Variants in DENND2B observed in about 807,000 individuals in gnomAD.
The protein encoded by DENND2B is DENN domain containing 2B, also known as DENN domain-containing protein 2B.
In DENND2B, 32 loss-of-function variants were observed where a neutral mutation model predicts 116.0. The ratio of observed to expected loss-of-function variants is 0.28; its 90% CI spans 0.21 to 0.37. The LOEUF is 0.37. Ranked by LOEUF, DENND2B falls within the 10% of genes least tolerant of loss-of-function variation. The probability of loss-of-function intolerance (pLI) is 1.00; values close to 1 mark genes in which losing one functional copy is unlikely to be tolerated. For synonymous variants in DENND2B, 588 were observed against 583.9 expected (o/e 1.01, Z -0.10); for missense variants, 1,276 against 1,477.7 (o/e 0.86, Z 2.24).
intron 4 of DENND2B, among the ~76,000 whole-genome samples, chr11:8,830,497 A>T (rs2062162369): frequency 6.6e-6 from 1 of 152,240 alleles, no homozygotes; most frequent in Non-Finnish European, 1.5e-5. Flanking sequence ...TCAGAAAATA[A>T]GCTTTATTTA....
At chr11:8,781,427 T>C (rs952467952) in intron 1 of DENND2B, among the ~76,000 whole-genome samples, 3 of 152,070 alleles carry the variant, frequency 2.0e-5, no homozygotes, top group Admixed American at 6.6e-5. Flanking sequence ...CTTTTGGCTA[T>C]AACAAAGAGG....
upstream of DENND2B, among the ~76,000 whole-genome samples, chr11:8,812,034 G>A (rs2061400562): frequency 6.6e-6 from 1 of 152,260 alleles, no homozygotes; most frequent in Non-Finnish European, 1.5e-5. Context: ...CCAGCATACT[G>A]GCCTTATGAC....
chr11:8,767,791 G>A (rs1008001873), intron 1 of DENND2B, among the ~76,000 whole-genome samples: 3 of 152,106 alleles, frequency 2.0e-5, no homozygotes, highest in Non-Finnish European at 2.9e-5. Flanking sequence ...ACCTAAGGTC[G>A]CTTTCAATAC....
intron 4 of DENND2B, among the ~76,000 whole-genome samples, chr11:8,823,790 G>T (rs1192528329): frequency 2.0e-5 from 3 of 152,038 alleles, no homozygotes; most frequent in Non-Finnish European, 4.4e-5. Flanking sequence ...GCATGAGAAT[G>T]GACTAATACA....
At chr11:8,885,807 A>C (rs2063954030) in intron 1 of DENND2B, among the ~76,000 whole-genome samples, 1 of 152,236 alleles carries the variant, frequency 6.6e-6, no homozygotes, top group Admixed American at 6.5e-5. Context: ...TTCATAGTAA[A>C]GAAGGATTTT....
At chr11:8,766,517 G>T in intron 1 of DENND2B, 1 of 925,216 alleles carries the variant, frequency 1.1e-6, no homozygotes, top group Non-Finnish European at 1.5e-6. Context: ...ATGTCCACAA[G>T]CCAAATCATT....
chr11:8,910,334 A>G (rs1566098764), intron 1 of DENND2B, among the ~76,000 whole-genome samples: 1 of 151,410 alleles, frequency 6.6e-6, no homozygotes, highest in African/African-American at 2.4e-5. Flanking sequence ...AAACAAGAGT[A>G]GCGACACCCC....
intron 14 of DENND2B, chr11:8,700,025 G>A (rs1290251032): frequency 4.4e-6 from 2 of 455,954 alleles, no homozygotes; most frequent in Admixed American, 2.4e-5. Flanking sequence ...GCAACCACAG[G>A]AAACAATAGC....
Position 8,694,737 on chromosome 11 carries a change from C to T in DENND2B, c.3380-607G>A, listed in dbSNP as rs188794056. 3.9e-3 allele frequency: 1,563 copies of T among 405,610 alleles called. 9 individuals carry two copies. The highest frequency in any genetic ancestry group is 5.7e-3 in the Non-Finnish European group (1,196 of 208,160). The allele number at this position is 405,610 out of a possible 1,614,324, so 25.1% of individuals were successfully genotyped here. On this transcript the variant is annotated intron_variant, in intron 19 of 19. Coordinates refer to ENST00000313726, the MANE Select transcript of DENND2B (RefSeq NM_213618.2). ...GAACATATATAGACTTTTTTTTTCTCGTCATTATTCCCTAAACAATACAGT... is the reference window on the plus strand; with the variant it reads ...GAACATATATAGACTTTTTTTTTCTTGTCATTATTCCCTAAACAATACAGT...
At chr11:8,883,893 C>A (rs1336294591) in intron 1 of DENND2B, among the ~76,000 whole-genome samples, 1 of 152,148 alleles carries the variant, frequency 6.6e-6, no homozygotes, top group East Asian at 1.9e-4. Flanking sequence ...CTGACTTAAG[C>A]GATGTTTTGA....
intron 1 of DENND2B, among the ~76,000 whole-genome samples, chr11:8,759,548 C>T (rs929102855): frequency 7.2e-5 from 11 of 152,158 alleles, no homozygotes; most frequent in African/African-American, 1.4e-4. Context: ...ATTCTGCTCA[C>T]GTGGAAGTCA....
At chr11:8,718,342 T>C (rs2045452692) in intron 4 of DENND2B, 1 of 1,532,034 alleles carries the variant, frequency 6.5e-7, no homozygotes, top group Admixed American at 2.0e-5. Flanking sequence ...TCTCAGGGGA[T>C]CTCCCTGGGG....
intron 1 of DENND2B, among the ~76,000 whole-genome samples, chr11:8,755,127 A>C (rs2053384019): frequency 6.6e-6 from 1 of 152,186 alleles, no homozygotes; most frequent in Non-Finnish European, 1.5e-5. Context: ...GCATATTTCC[A>C]ATGTCAAGGT....
chr11:8,807,415 C>G (rs1006570781), intron 1 of DENND2B, among the ~76,000 whole-genome samples: 9 of 152,144 alleles, frequency 5.9e-5, no homozygotes, highest in African/African-American at 1.9e-4. Flanking sequence ...TAGGTCTAGG[C>G]TACCAGTGGG....
Position 8,891,128 on chromosome 11 carries a change from A to G in DENND2B, c.-255-10019T>C, listed in dbSNP as rs537816494. On this transcript the variant is annotated intron_variant, in intron 1 of 22. Transcript: ENST00000534127. ...AAGAATTTTCAACCCAGAATTTCAT[A>G]TCCAGCCAACTAAGCTTCATAAGTG... 3.9e-5 allele frequency among the ~76,000 whole-genome samples: 6 copies of G among 152,348 alleles called. No individual in the cohort carries two copies. In the South Asian group the frequency reaches 1.2e-3, roughly 32 times the overall value.
chr11:8,780,368 T>C (rs143461709), intron 1 of DENND2B, among the ~76,000 whole-genome samples: 3 of 152,246 alleles, frequency 2.0e-5, no homozygotes, highest in African/African-American at 2.4e-5. Flanking sequence ...AGAGATACAA[T>C]GTTGAAGCTT....
At chr11:8,758,616 G>A (rs1230371966) in intron 1 of DENND2B, among the ~76,000 whole-genome samples, 1 of 152,154 alleles carries the variant, frequency 6.6e-6, no homozygotes, top group Non-Finnish European at 1.5e-5. Context: ...AAGAAAGCAG[G>A]TGAATAGAAA....
At chr11:8,774,181 C>T (rs1399638688) in intron 1 of DENND2B, 2 of 985,356 alleles carry the variant, frequency 2.0e-6, no homozygotes, top group African/African-American at 1.7e-5. Context: ...TCAGCCTTCA[C>T]GTTGGGTTCT....
chr11:8,895,470 A>G (rs1016162721), intron 1 of DENND2B: 6 of 152,230 alleles, frequency 3.9e-5, no homozygotes, highest in Non-Finnish European at 7.3e-5. Context: ...ACATTATACT[A>G]AATGAAATAA....
Sources: allele counts gnomAD v4.1 joint callset (sites outside exome capture counted in the v4.1 genomes callset), GRCh38; gene constraint gnomAD v4.1.1; transcripts MANE v1.5; gene names NCBI Gene and HGNC (gene_info 2026-07-23, HGNC 2026-07-21).